Variants in MPHOSPH9 observed in about 807,000 individuals in gnomAD.
MPHOSPH9 encodes M-phase phosphoprotein 9.
A neutral mutation model predicts 145.5 loss-of-function variants in MPHOSPH9; 88 were observed. That is an observed-to-expected ratio of 0.60 (90% confidence interval 0.51 to 0.72). The LOEUF is 0.72. MPHOSPH9 is among the 30% of genes least tolerant of loss of function. The pLI, the probability that MPHOSPH9 is intolerant of heterozygous loss-of-function variation, is 0.00. For synonymous variants in MPHOSPH9, 435 were observed against 486.2 expected (o/e 0.89, Z 1.39); for missense variants, 1,238 against 1,386.6 (o/e 0.89, Z 1.70).
At chr12:123,214,270 G>A (rs2046867635) in intron 7 of MPHOSPH9, among the ~76,000 whole-genome samples, 1 of 152,172 alleles carries the variant, frequency 6.6e-6, no homozygotes, top group South Asian at 2.1e-4. Flanking sequence ...TGGACATGGT[G>A]GCTGAAGCCT....
chr12:123,157,899 A>T (rs2043936735), intron 23 of MPHOSPH9, among the ~76,000 whole-genome samples: 1 of 152,198 alleles, frequency 6.6e-6, no homozygotes, highest in African/African-American at 2.4e-5. Flanking sequence ...TAGAAAATTT[A>T]GAAGACAAAT....
intron 16 of MPHOSPH9, among the ~76,000 whole-genome samples, chr12:123,170,428 C>A (rs933395065): frequency 1.3e-5 from 2 of 152,286 alleles, no homozygotes; most frequent in Admixed American, 1.3e-4. Flanking sequence ...TAGGCGTGAG[C>A]CACTGTGTCT....
At chr12:123,220,918 G>A (rs1023184801) in intron 5 of MPHOSPH9, among the ~76,000 whole-genome samples, 1 of 152,154 alleles carries the variant, frequency 6.6e-6, no homozygotes, top group African/African-American at 2.4e-5. Context: ...AGCCTGGCGT[G>A]GTGGCGGGTG....
intron 13 of MPHOSPH9, among the ~76,000 whole-genome samples, chr12:123,183,363 C>T (rs1320918619): frequency 6.6e-6 from 1 of 151,780 alleles, no homozygotes; most frequent in Non-Finnish European, 1.5e-5. Context: ...GCCTGGCTAA[C>T]ATAGCGAAAC....
chr12:123,237,923 TCTCA>T, upstream of MPHOSPH9, among the ~76,000 whole-genome samples: 1 of 149,866 alleles, frequency 6.7e-6, no homozygotes, highest in South Asian at 2.1e-4. Flanking sequence ...TGAGACGGAG[TCTCA>T]CTCTGTCACC....
At chr12:123,175,532 C>T (rs1162500139) in intron 16 of MPHOSPH9, among the ~76,000 whole-genome samples, 2 of 152,104 alleles carry the variant, frequency 1.3e-5, no homozygotes, top group African/African-American at 4.8e-5. Flanking sequence ...TTGCCTCTTG[C>T]TGGAAATATT....
At chr12:123,197,385 T>C (rs1350204205) in intron 12 of MPHOSPH9, among the ~76,000 whole-genome samples, 1 of 151,844 alleles carries the variant, frequency 6.6e-6, no homozygotes, top group East Asian at 2.0e-4. Flanking sequence ...TTACCCAGGC[T>C]GGTCTCGAAC....
At chr12:123,181,108 A>T in intron 14 of MPHOSPH9, 55 bp downstream of exon 14, 1 of 1,498,516 alleles carries the variant, frequency 6.7e-7, no homozygotes, top group Non-Finnish European at 9.3e-7. Context: ...CTTGATTCCC[A>T]ATCCAATGTT....
chr12:123,194,749 G>A, intron 12 of MPHOSPH9, 148 bp from the exon 13 acceptor site: 2 of 561,012 alleles, frequency 3.6e-6, no homozygotes, highest in Non-Finnish European at 6.0e-6. Flanking sequence ...AGCCTCCCGA[G>A]AGCTGCGATT....
chr12:123,161,161 T>C lies in MPHOSPH9; in HGVS notation c.3356A>G (p.Asp1119Gly). ...RTLAETERFF[D>G]ELTKEKDQIE... ...CTGGTCCTTTTCTTTTGTAAGTTCA[T>C]CAAAAAATCGTTCTGTTTCAGCTAG... Residue 1119 changes from aspartate (D) to glycine (G), a missense_variant, in exon 22 of 24, where the codon GAT (aspartate) becomes GGT (glycine). Around this residue, in one of 3 missense-constraint regions of MPHOSPH9, gnomAD observed 393 missense variants for 462.5 expected, o/e 0.85. Coordinates refer to ENST00000606320, the MANE Select transcript of MPHOSPH9 (RefSeq NM_022782.4). 1.2e-6 allele frequency: 2 copies of C among 1,614,030 alleles called. No individual in the cohort carries two copies. Among genetic ancestry groups the C allele is most frequent in the Non-Finnish European group, 1.7e-6 (2 of 1,179,990 alleles).
intron 16 of MPHOSPH9, among the ~76,000 whole-genome samples, chr12:123,167,705 G>A (rs928197428): frequency 2.0e-5 from 3 of 152,118 alleles, no homozygotes; most frequent in Non-Finnish European, 2.9e-5. Flanking sequence ...ACTGATTTTA[G>A]GTTGACATGA....
At chr12:123,220,999 G>A (rs1291131367) in intron 5 of MPHOSPH9, among the ~76,000 whole-genome samples, 1 of 152,164 alleles carries the variant, frequency 6.6e-6, no homozygotes, top group Non-Finnish European at 1.5e-5. Context: ...AGCTTGCAGT[G>A]AGCCGAGATT....
At chr12:123,166,154 G>A (rs2044309216) in intron 17 of MPHOSPH9, among the ~76,000 whole-genome samples, 2 of 152,162 alleles carry the variant, frequency 1.3e-5, no homozygotes, top group Admixed American at 1.3e-4. Context: ...CACCCAGGCT[G>A]GAGTGCAGTG....
Position 123,156,172 on chromosome 12 carries a change from G to A in MPHOSPH9, c.*635C>T, listed in dbSNP as rs2043858811. 1 of 152,150 alleles carries A rather than the reference G, an allele frequency of 6.6e-6. No individual in the cohort carries two copies. The highest frequency in any genetic ancestry group is 2.4e-5 in the African/African-American group (1 of 41,424). The allele number at this position is 152,150 out of a possible 1,614,324, so 9.4% of individuals were successfully genotyped here. On this transcript the variant is annotated 3_prime_UTR_variant, in exon 24 of 24. Coordinates refer to ENST00000606320, the MANE Select transcript of MPHOSPH9 (RefSeq NM_022782.4). ...CTTTTTTAGAAAAGATAAAATTAGA[G>A]AATTACAATCTCTCTTTTTTCTCTT...
At position 123,219,484 on chromosome 12, in the gene MPHOSPH9, C is replaced by CAGA. The variant is rs1202690346; in HGVS notation, c.873-988_873-986dup. Among the ~76,000 whole-genome samples the CAGA allele has an allele frequency of 2.1e-5, 3 of 142,716 alleles. No individual in the cohort carries two copies. The Admixed American group carries it at 2.3e-4, about 11-fold the overall frequency. The allele number at this position is 142,716 out of a possible 152,430, so 93.6% of individuals were successfully genotyped here. A position where few individuals can be genotyped will look rare whatever the true frequency, so the allele number is the denominator to read the frequency against. On this transcript the variant is annotated intron_variant, in intron 5 of 23. Coordinates refer to ENST00000606320, the MANE Select transcript of MPHOSPH9 (RefSeq NM_022782.4). ...AGGAGAATGGCGTGAACCCGGGAGG[C>CAGA]AGAGCTTGCAGTGAGCCGAGATTGC...
chr12:123,222,962 A>ATGTG lies in MPHOSPH9; in HGVS notation c.348+72_348+75dup, dbSNP rs144990491. ...TATATATGTGTGTGTGTATATATATATGTGTGTGTGTGTGTGTGTATATGT... is the reference window on the plus strand; with the variant it reads ...TATATATGTGTGTGTGTATATATATATGTGTGTGTGTGTGTGTGTGTGTATATGT... On this transcript the variant is annotated intron_variant, in intron 4 of 23. Coordinates refer to ENST00000606320, the MANE Select transcript of MPHOSPH9 (RefSeq NM_022782.4). 4.0e-3 allele frequency: 2,835 copies of ATGTG among 705,946 alleles called. 51 individuals carry two copies. In the African/African-American group the frequency reaches 0.052, roughly 13 times the overall value. The allele number at this position is 705,946 out of a possible 1,614,324, so 43.7% of individuals were successfully genotyped here. A position where few individuals can be genotyped will look rare whatever the true frequency, so the allele number is the denominator to read the frequency against.
chr12:123,203,040 C>G lies in MPHOSPH9; in HGVS notation c.1365G>C (p.Gln455His). The G allele has an allele frequency of 6.2e-7, 1 of 1,614,160 alleles. No homozygotes were observed. The highest frequency in any genetic ancestry group is 8.5e-7 in the Non-Finnish European group (1 of 1,180,018). Residue 455 changes from glutamine to histidine, a missense_variant, in exon 10 of 24, where the codon CAG becomes CAC. Coordinates refer to ENST00000606320, the MANE Select transcript of MPHOSPH9 (RefSeq NM_022782.4). The part of the protein sequence containing the change: ...DPTLHMKPKQ[Q>H]ISGIQPHGLP... ...GGCCGTGAGGTTGAATCCCTGAAAT[C>G]TGCTGCTTTGGCTTCATGTGTAACG...
At chr12:123,152,367 G>A, downstream of MPHOSPH9, 1 of 335,388 alleles carries the variant, frequency 3.0e-6, no homozygotes, top group Non-Finnish European at 5.9e-6. Flanking sequence ...GTGCAAGAAA[G>A]AGAGATGGTC....
At chr12:123,170,893 T>A (rs533603821) in intron 16 of MPHOSPH9, among the ~76,000 whole-genome samples, 1 of 152,346 alleles carries the variant, frequency 6.6e-6, no homozygotes, top group South Asian at 2.1e-4. Flanking sequence ...TTCCTGTCTC[T>A]CCATATCTTT....
Sources: allele counts gnomAD v4.1 joint callset (sites outside exome capture counted in the v4.1 genomes callset), GRCh38; gene constraint gnomAD v4.1.1; regional missense constraint gnomAD v4.1.1; transcripts MANE v1.5; gene names NCBI Gene and HGNC (gene_info 2026-07-23, HGNC 2026-07-21).